The following TCF4 variants were observed in gnomAD, a reference collection of about 807,000 sequenced individuals.
TCF4 encodes the protein SL3-3 enhancer factor 2.
A neutral mutation model predicts 82.1 loss-of-function variants in TCF4; 3 were observed. That is an observed-to-expected ratio of 0.04 (90% CI 0.02 to 0.09). The LOEUF (loss-of-function observed/expected upper bound fraction) is 0.09. Among genes scored for constraint, TCF4 ranks in the 10% least tolerant of loss-of-function variants. TCF4 has a pLI of 1.00. For missense variants in TCF4, 518 were observed against 852.7 expected, an observed-to-expected ratio of 0.61 and a Z score of 4.89; for synonymous variants, 276 against 309.6, an observed-to-expected ratio of 0.89 and a Z score of 1.14.
intron 3 of TCF4, among the ~76,000 whole-genome samples, chr18:55,533,864 GTTCT>G (rs1221330262): frequency 6.6e-6 from 1 of 151,962 alleles, no homozygotes; most frequent in Non-Finnish European, 1.5e-5. Flanking sequence ...CCTTTCCCTT[GTTCT>G]TTCTTTTAAG....
At chr18:55,466,099 T>C (rs369616510) in intron 3 of TCF4, among the ~76,000 whole-genome samples, 2 of 152,148 alleles carry the variant, frequency 1.3e-5, no homozygotes, top group African/African-American at 4.8e-5. Context: ...CAGGAGACAG[T>C]TTTGGTTGTC....
chr18:55,228,869 G>C lies in TCF4; in HGVS notation c.1857C>G (p.Leu619=). The change falls in exon 18 of 20, where the codon CTC becomes CTG. Residue 619 remains leucine, a synonymous_variant. Coordinates refer to ENST00000354452, the MANE Select transcript of TCF4 (RefSeq NM_001083962.2). ...GACCTCGGACTTGCTGCTCCAGACT[G>C]AGGATGACGGCCACCGCCTGGTGGA... ...LILHQAVAVI[L]SLEQQVRERN... 6.2e-7 allele frequency: 1 copy of C among 1,614,138 alleles called. No individual in the cohort carries two copies.
At chr18:55,289,036 T>C (rs1310645203) in intron 8 of TCF4, among the ~76,000 whole-genome samples, 1 of 152,258 alleles carries the variant, frequency 6.6e-6, no homozygotes, top group African/African-American at 2.4e-5. Flanking sequence ...AGACACTCTA[T>C]GTTTCCTATT....
chr18:55,622,685 G>A (rs71352210), intron 2 of TCF4, among the ~76,000 whole-genome samples: 19 of 152,018 alleles, frequency 1.2e-4, no homozygotes, highest in Non-Finnish European at 2.6e-4. Context: ...CATAAAGTTG[G>A]TTGCTGATGA....
intron 3 of TCF4, among the ~76,000 whole-genome samples, chr18:55,577,272 A>C (rs1465833967): frequency 6.8e-6 from 1 of 147,542 alleles, no homozygotes; most frequent in African/African-American, 2.5e-5. Context: ...ATATATGTGT[A>C]TATATACATA....
chr18:55,554,752 T>C (rs538916766), intron 3 of TCF4, among the ~76,000 whole-genome samples: 10 of 152,278 alleles, frequency 6.6e-5, no homozygotes, highest in African/African-American at 1.4e-4. Context: ...AATTTAAACA[T>C]CTTCCCCAGG....
At chr18:55,626,538 T>C (rs939660325) in intron 2 of TCF4, among the ~76,000 whole-genome samples, 1 of 152,190 alleles carries the variant, frequency 6.6e-6, no homozygotes, top group Non-Finnish European at 1.5e-5. Flanking sequence ...AGACTTGACA[T>C]ATAAAAATTC....
intron 6 of TCF4, among the ~76,000 whole-genome samples, chr18:55,361,229 A>G (rs2085094888): frequency 6.6e-6 from 1 of 152,084 alleles, no homozygotes; most frequent in Admixed American, 6.6e-5. Context: ...CAAGGAGACC[A>G]AACTTCAGAG....
chr18:55,474,765 TTTTTGTTTG>T (rs1257116684), intron 3 of TCF4, among the ~76,000 whole-genome samples: 6 of 119,460 alleles, frequency 5.0e-5, no homozygotes, highest in Non-Finnish European at 9.8e-5. Context: ...AGTTTTGGGG[TTTTTGTTTG>T]TTTTGTTTGT....
rs146270145 is a variant in TCF4 at position 55,365,006 on chromosome 18, T to G, written c.370-14003A>C. ...CTGTCTCTACTAAAAATACAAAAAA[T>G]TAACGGTGTGGTGGCATGCACCTGT... is the stretch of plus-strand genomic sequence containing the variant. On this transcript the variant is annotated intron_variant, in intron 6 of 19. Transcript: ENST00000354452. Among the ~76,000 whole-genome samples the G allele has an allele frequency of 8.6e-5, 13 of 150,642 alleles. No homozygotes were observed. The East Asian group carries it at 2.6e-3, about 30-fold the overall frequency.
intron 2 of TCF4, among the ~76,000 whole-genome samples, chr18:55,619,160 T>C (rs1209316017): frequency 6.6e-6 from 1 of 152,062 alleles, no homozygotes; most frequent in African/African-American, 2.4e-5. Context: ...TGTTTGTTTG[T>C]TTTGGTGGTG....
At chr18:55,473,675 T>C (rs1401875674) in intron 3 of TCF4, among the ~76,000 whole-genome samples, 5 of 152,190 alleles carry the variant, frequency 3.3e-5, no homozygotes, top group Non-Finnish European at 7.3e-5. Context: ...ATTTTCTCTG[T>C]ACTTAGGCTC....
intron 8 of TCF4, among the ~76,000 whole-genome samples, chr18:55,339,535 T>G (rs1011147439): frequency 6.6e-6 from 1 of 152,170 alleles, no homozygotes; most frequent in African/African-American, 2.4e-5. Context: ...GTTCAGGGTG[T>G]ACACGGAAGA....
At chr18:55,516,415 A>G (rs2096882373) in intron 3 of TCF4, among the ~76,000 whole-genome samples, 2 of 152,042 alleles carry the variant, frequency 1.3e-5, no homozygotes, top group Admixed American at 6.6e-5. Context: ...AGCAAAATGA[A>G]GGGAAAGCTA....
chr18:55,542,723 A>G (rs759648271), intron 3 of TCF4, among the ~76,000 whole-genome samples: 1 of 151,958 alleles, frequency 6.6e-6, no homozygotes, highest in Admixed American at 6.6e-5. Flanking sequence ...GTCCACACTA[A>G]CTAAATATAT....
chr18:55,300,006 A>T (rs1338716467), intron 8 of TCF4, among the ~76,000 whole-genome samples: 1 of 151,658 alleles, frequency 6.6e-6, no homozygotes, highest in Non-Finnish European at 1.5e-5. Flanking sequence ...ACCCCAAAGA[A>T]CTCCTATCCA....
At chr18:55,335,883 T>C (rs1462972788) in intron 8 of TCF4, among the ~76,000 whole-genome samples, 1 of 152,026 alleles carries the variant, frequency 6.6e-6, no homozygotes, top group South Asian at 2.1e-4. Context: ...AAACTTCCAA[T>C]TAAAAATGAC....
chr18:55,397,879 C>T (rs4801150), intron 6 of TCF4, among the ~76,000 whole-genome samples: 49,599 of 151,960 alleles, frequency 0.33, 8,858 homozygotes, highest in East Asian at 0.48. Context: ...TACATACACA[C>T]AAGAAAATAC....
intron 8 of TCF4, among the ~76,000 whole-genome samples, chr18:55,313,240 T>C (rs2073109658): frequency 2.0e-5 from 3 of 152,142 alleles, no homozygotes; most frequent in Non-Finnish European, 4.4e-5. Flanking sequence ...AAATAGTTGA[T>C]ATCAAAATTG....
Sources: gnomAD v4.1 joint callset for allele counts (sites outside exome capture counted in the v4.1 genomes callset) on GRCh38, gnomAD v4.1.1 for gene constraint, MANE v1.5 for transcripts, NCBI Gene and HGNC (gene_info 2026-07-23, HGNC 2026-07-21) for gene names.